Variants in DLGAP4 observed in about 807,000 individuals in gnomAD.
DLGAP4 encodes the protein disks large-associated protein 4.
Under a neutral mutation model 86.9 loss-of-function variants are expected in DLGAP4, and 18 were observed. The observed-to-expected ratio is 0.21, with a 90% CI of 0.14 to 0.31. The LOEUF (loss-of-function observed/expected upper bound fraction) is 0.31. Ranked by LOEUF, DLGAP4 falls within the 10% of genes least tolerant of loss-of-function variation. The pLI, the probability that DLGAP4 is intolerant of heterozygous loss-of-function variation, is 1.00. For synonymous variants in DLGAP4, 548 were observed against 574.3 expected, an observed-to-expected ratio of 0.95 and a Z score of 0.65; for missense variants, 1,085 against 1,362.6, an observed-to-expected ratio of 0.80 and a Z score of 3.21.
At chr20:36,501,584 G>A (rs77013348) in intron 10 of DLGAP4, among the ~76,000 whole-genome samples, 3,954 of 151,202 alleles carry the variant, frequency 0.026, 204 homozygotes, top group African/African-American at 0.092. Context: ...GGTGGTGGAA[G>A]GCAGGTCCTG....
At position 36,350,429 on chromosome 20, in the gene DLGAP4, C is replaced by T. The variant is rs1219140495; in HGVS notation, c.-303-16616C>T. On this transcript the variant is annotated intron_variant, in intron 1 of 12. Coordinates refer to ENST00000339266, the MANE Select transcript of DLGAP4 (RefSeq NM_001365621.2). This position sits in a 1 kb window ranked among gnomAD's most constrained non-coding sequence, Gnocchi z 4.4. The stretch of plus-strand genomic sequence containing the variant: ...CCCCTTCTCCATCCCCAGCACCTGC[C>T]CCATCCTGACTCCGCTGACACTCAG... Among the ~76,000 whole-genome samples the T allele has an allele frequency of 6.6e-6, 1 of 152,136 alleles. No individual in the cohort carries two copies. Among genetic ancestry groups the T allele is most frequent in the Non-Finnish European group, 1.5e-5 (1 of 68,006 alleles).
At chr20:36,331,358 C>A (rs1187259768) in intron 1 of DLGAP4, among the ~76,000 whole-genome samples, 1 of 152,232 alleles carries the variant, frequency 6.6e-6, no homozygotes, top group Non-Finnish European at 1.5e-5. Context: ...CCCAGCTGCC[C>A]CTCCTCCAGC....
intron 1 of DLGAP4, among the ~76,000 whole-genome samples, chr20:36,362,648 G>A (rs1483864703): frequency 6.6e-6 from 1 of 152,250 alleles, no homozygotes; most frequent in Non-Finnish European, 1.5e-5. Flanking sequence ...GCACCTCCAT[G>A]TGCCAGGTAC....
chr20:36,427,016 CAAA>C (rs746938748), intron 2 of DLGAP4, among the ~76,000 whole-genome samples: 1 of 134,156 alleles, frequency 7.5e-6, no homozygotes, highest in African/African-American at 2.7e-5. Flanking sequence ...CTGTCTGTAC[CAAA>C]AAAAAAAAAA....
intron 2 of DLGAP4, among the ~76,000 whole-genome samples, chr20:36,378,237 G>A (rs778034276): frequency 6.6e-6 from 1 of 152,150 alleles, no homozygotes; most frequent in Non-Finnish European, 1.5e-5. Flanking sequence ...GTGATCTCAG[G>A]TGACTCCACC....
At chr20:36,426,061 C>T (rs375856314) in intron 2 of DLGAP4, among the ~76,000 whole-genome samples, 1 of 152,086 alleles carries the variant, frequency 6.6e-6, no homozygotes. Context: ...AGCCATAAAA[C>T]GGAATGAAGT....
chr20:36,326,501 C>T (rs190314316), intron 1 of DLGAP4, among the ~76,000 whole-genome samples: 4 of 152,196 alleles, frequency 2.6e-5, no homozygotes, highest in Admixed American at 6.5e-5. Context: ...TCCATCTCTT[C>T]GATCTTGTAG....
Position 36,442,731 on chromosome 20 carries a change from T to G in DLGAP4, c.1361T>G (p.Phe454Cys). 5.6e-6 allele frequency: 9 copies of G among 1,614,210 alleles called. No individual in the cohort carries two copies. Among genetic ancestry groups the G allele is most frequent in the Non-Finnish European group, 7.6e-6 (9 of 1,180,038 alleles). ...LNDSSCISQI[F>C]GQASLIPQLF... The stretch of plus-strand genomic sequence containing the variant: ...CTCACCCTCTCTTTCCTGCAGATTT[T>G]TGGACAGGCCTCCCTGATCCCCCAG... Residue 454 changes from phenylalanine (F) to cysteine (C), a missense_variant, in exon 6 of 13, where the codon TTT becomes TGT. Phe to Cys is a radical substitution (Grantham distance 205). Around this residue, in one of 2 missense-constraint regions of DLGAP4, gnomAD observed 1,082 missense variants for 1,344.1 expected, o/e 0.81. Transcript: ENST00000339266.
intron 2 of DLGAP4, among the ~76,000 whole-genome samples, chr20:36,377,596 T>C (rs1014912010): frequency 1.3e-5 from 2 of 152,212 alleles, no homozygotes; most frequent in Admixed American, 6.5e-5. Flanking sequence ...ATCAGGGTGC[T>C]CCTGCCTGCC....
At chr20:36,397,041 C>T (rs938220420) in intron 2 of DLGAP4, among the ~76,000 whole-genome samples, 4 of 152,168 alleles carry the variant, frequency 2.6e-5, no homozygotes, top group African/African-American at 9.7e-5. Context: ...AGATTTGAGA[C>T]ATGATTATCT....
intron 2 of DLGAP4, among the ~76,000 whole-genome samples, chr20:36,421,564 G>A (rs1303628321): frequency 1.3e-5 from 2 of 152,046 alleles, no homozygotes; most frequent in African/African-American, 4.8e-5. Flanking sequence ...CTCGGCCTGG[G>A]GCAGGGCTGT....
intron 7 of DLGAP4, among the ~76,000 whole-genome samples, chr20:36,467,059 T>TC (rs2034435791): frequency 6.7e-5 from 4 of 59,906 alleles, no homozygotes; most frequent in Non-Finnish European, 8.0e-5. Flanking sequence ...TCTCTCTCTC[T>TC]CTCTCCCCCC....
intron 1 of DLGAP4, among the ~76,000 whole-genome samples, chr20:36,328,654 A>G (rs964612025): frequency 4.0e-5 from 6 of 151,748 alleles, no homozygotes; most frequent in African/African-American, 1.2e-4. Context: ...TTGAGACGGA[A>G]TTTTGCTCTT....
intron 2 of DLGAP4, among the ~76,000 whole-genome samples, chr20:36,401,631 T>C (rs1043542419): frequency 2.0e-5 from 3 of 152,246 alleles, no homozygotes; most frequent in Non-Finnish European, 4.4e-5. Context: ...GTGGTTAGCG[T>C]TGGGGACACA....
chr20:36,468,123 A>C (rs2034499955), intron 7 of DLGAP4, among the ~76,000 whole-genome samples: 1 of 152,210 alleles, frequency 6.6e-6, no homozygotes, highest in African/African-American at 2.4e-5. Flanking sequence ...GAATTCCTTA[A>C]AGGTGGAAGA....
chr20:36,361,475 G>A (rs1569471648), intron 1 of DLGAP4, among the ~76,000 whole-genome samples: 1 of 152,154 alleles, frequency 6.6e-6, no homozygotes, highest in African/African-American at 2.4e-5. Context: ...TTTCAGGCTT[G>A]CAGAGTGAGG....
intron 2 of DLGAP4, among the ~76,000 whole-genome samples, chr20:36,383,322 C>T (rs1163252456): frequency 2.0e-5 from 3 of 152,158 alleles, no homozygotes; most frequent in Admixed American, 1.3e-4. Context: ...CAATAAAAGA[C>T]GGCCTCAGGG....
intron 10 of DLGAP4, among the ~76,000 whole-genome samples, chr20:36,522,488 T>TATTTCAAATAAGAGATTATTGG (rs1555917249): frequency 3.3e-5 from 5 of 151,882 alleles, no homozygotes; most frequent in African/African-American, 1.2e-4. Flanking sequence ...AATAAGAGAT[T>TATTTCAAATAAGAGATTATTGG]ATTTCAAATA....
In DLGAP4 at chr20:36,367,536, G is replaced by A. The variant is rs1176031991; in HGVS notation, c.-73+261G>A. 2.6e-5 allele frequency among the ~76,000 whole-genome samples: 4 copies of A among 152,198 alleles called. No individual in the cohort carries two copies. The East Asian group carries it at 7.7e-4, about 29-fold the overall frequency. On this transcript the variant is annotated intron_variant, in intron 2 of 12. Transcript: ENST00000339266. ...AGAGGGGAAGCCACCTGCTTGGGGT[G>A]CACAGCAAGCCCAGCTCTGTCCACC...
Sources: gnomAD v4.1 joint callset for allele counts (sites outside exome capture counted in the v4.1 genomes callset) on GRCh38, gnomAD v4.1.1 for gene constraint, gnomAD v4.1.1 regional missense constraint, Gnocchi (gnomAD v3.1) non-coding constraint, MANE v1.5 for transcripts, NCBI Gene and HGNC (gene_info 2026-07-23, HGNC 2026-07-21) for gene names.